CSMD1: variants seen among roughly 807,000 people sequenced by gnomAD.
The protein encoded by CSMD1 is CUB and sushi domain-containing protein 1.
A neutral mutation model predicts 417.5 loss-of-function variants in CSMD1; 213 were observed. That is an observed-to-expected ratio of 0.51 (90% CI 0.46 to 0.57). CSMD1 has a LOEUF of 0.57. Ranked by LOEUF, CSMD1 falls within the 20% of genes least tolerant of loss-of-function variation. The probability of loss-of-function intolerance (pLI) is 0.00; values close to 1 mark genes in which losing one functional copy is unlikely to be tolerated. For missense variants in CSMD1, 6,923 were observed against 4,529.7 expected (o/e 1.53, Z -15.17); for synonymous variants, 2,862 against 1,736.8 (o/e 1.65, Z -16.11).
At chr8:3,474,596 C>T (rs1017473120) in intron 11 of CSMD1, among the ~76,000 whole-genome samples, 2 of 152,072 alleles carry the variant, frequency 1.3e-5, no homozygotes, top group Non-Finnish European at 2.9e-5. Flanking sequence ...GAAGTTTGGT[C>T]TTGCTTTTTG....
At chr8:4,416,894 C>G in intron 3 of CSMD1, among the ~76,000 whole-genome samples, 1 of 152,108 alleles carries the variant, frequency 6.6e-6, no homozygotes, top group Middle Eastern at 3.4e-3. Flanking sequence ...TACTTCAAAA[C>G]TGGGCATATC....
At chr8:3,220,341 A>G (rs542759263) in intron 28 of CSMD1, among the ~76,000 whole-genome samples, 18 of 152,012 alleles carry the variant, frequency 1.2e-4, no homozygotes, top group Non-Finnish European at 2.4e-4. Flanking sequence ...ATATTAACAT[A>G]CAGTCAGTCC....
At chr8:4,571,727 T>C (rs1418851266) in intron 2 of CSMD1, among the ~76,000 whole-genome samples, 1 of 152,186 alleles carries the variant, frequency 6.6e-6, no homozygotes, top group Non-Finnish European at 1.5e-5. Flanking sequence ...TGACAGTGGG[T>C]GTTAAACTCT....
At chr8:4,354,758 T>G (rs113398503) in intron 3 of CSMD1, among the ~76,000 whole-genome samples, 3 of 152,250 alleles carry the variant, frequency 2.0e-5, no homozygotes, top group Non-Finnish European at 4.4e-5. Flanking sequence ...GAATTCCTTT[T>G]ATAGATTTCC....
intron 3 of CSMD1, among the ~76,000 whole-genome samples, chr8:4,170,441 C>G (rs1271950592): frequency 6.6e-6 from 1 of 151,896 alleles, no homozygotes; most frequent in African/African-American, 2.4e-5. Flanking sequence ...TGTTCAAATA[C>G]TTCCCCTTTT....
chr8:2,963,208 G>T lies in CSMD1; in HGVS notation c.9454+14C>A. The T allele has an allele frequency of 6.2e-7, 1 of 1,613,356 alleles. No individual in the cohort carries two copies. Among genetic ancestry groups the T allele is most frequent in the Non-Finnish European group, 8.5e-7 (1 of 1,179,462 alleles). The stretch of plus-strand genomic sequence containing the variant: ...ACCTGCAGTGGGCGGAACAAATTCT[G>T]CTGTAGAACTTACGGAGACACTGGG... On this transcript the variant is annotated intron_variant, in intron 60 of 69. Coordinates refer to ENST00000635120, the MANE Select transcript of CSMD1 (RefSeq NM_033225.6).
intron 10 of CSMD1, among the ~76,000 whole-genome samples, chr8:3,542,825 T>C (rs1798496699): frequency 6.6e-6 from 1 of 152,200 alleles, no homozygotes; most frequent in Non-Finnish European, 1.5e-5. Context: ...GCAAGATCCA[T>C]AACCCTGGGG....
chr8:3,349,207 A>C (rs1468839718), intron 21 of CSMD1, among the ~76,000 whole-genome samples: 1 of 152,154 alleles, frequency 6.6e-6, no homozygotes, highest in Non-Finnish European at 1.5e-5. Flanking sequence ...TTCCTTTTCC[A>C]CTGGGTTGCT....
intron 3 of CSMD1, among the ~76,000 whole-genome samples, chr8:4,178,891 A>G (rs1469995020): frequency 1.3e-5 from 2 of 152,198 alleles, no homozygotes; most frequent in Admixed American, 6.5e-5. Flanking sequence ...GACCTCTTCA[A>G]GGAGAACTAC....
chr8:3,305,184 CTATT>C (rs1420286317), intron 25 of CSMD1, among the ~76,000 whole-genome samples: 1 of 152,038 alleles, frequency 6.6e-6, no homozygotes, highest in Non-Finnish European at 1.5e-5. Context: ...TATGCCTGGC[CTATT>C]TATTTCCATA....
In CSMD1 at chr8:3,207,589, C is replaced by G. The variant is rs1219133157; in HGVS notation, c.4868-1969G>C. Among the ~76,000 whole-genome samples, 8 of 152,092 alleles carry G rather than the reference C, an allele frequency of 5.3e-5. No homozygotes were observed. In the East Asian group the frequency reaches 1.3e-3, roughly 26 times the overall value. On this transcript the variant is annotated intron_variant, in intron 30 of 69. Coordinates refer to ENST00000635120, the MANE Select transcript of CSMD1 (RefSeq NM_033225.6). Reference sequence around the variant, plus strand: ...TTAAGCTCCTTAGAATATGGTAATGCTAAGGATAAGGCAACTTGTTAATGA... The same window carrying G: ...TTAAGCTCCTTAGAATATGGTAATGGTAAGGATAAGGCAACTTGTTAATGA...
intron 12 of CSMD1, among the ~76,000 whole-genome samples, chr8:3,461,954 G>A (rs374705462): frequency 1.1e-4 from 17 of 152,162 alleles, no homozygotes; most frequent in African/African-American, 2.2e-4. Context: ...CACATGGGCC[G>A]GACAGGAGGG....
In CSMD1 at chr8:4,042,815, T is replaced by A. The variant is rs899925633; in HGVS notation, c.416-10716A>T. On this transcript the variant is annotated intron_variant, in intron 3 of 69. Transcript: ENST00000635120. ...CAATAGGTGAAGTGGTACAACATATTAAAAAAAAAAAAAAAAAAAAAAAAA... is the reference window on the plus strand; with the variant it reads ...CAATAGGTGAAGTGGTACAACATATAAAAAAAAAAAAAAAAAAAAAAAAAA... Among the ~76,000 whole-genome samples the A allele has an allele frequency of 2.6e-3, 107 of 41,256 alleles. 2 individuals carry two copies. Among genetic ancestry groups the A allele is most frequent in the African/African-American group, 7.5e-3 (78 of 10,336 alleles). 27.1% of individuals were successfully genotyped at this position (41,256 alleles called of 152,430 possible). A position where few individuals can be genotyped will look rare whatever the true frequency, so the allele number is the denominator to read the frequency against.
chr8:4,397,785 G>A (rs2128927258), intron 3 of CSMD1, among the ~76,000 whole-genome samples: 1 of 152,112 alleles, frequency 6.6e-6, no homozygotes, highest in East Asian at 1.9e-4. Context: ...ATACTGACAT[G>A]TATCTCAATA....
At position 4,503,095 on chromosome 8, in the gene CSMD1, G is replaced by A. The variant is rs1201827705; in HGVS notation, c.303-83030C>T. Among the ~76,000 whole-genome samples the A allele has an allele frequency of 2.6e-5, 4 of 152,270 alleles. No individual in the cohort carries two copies. In the East Asian group the frequency reaches 7.7e-4, roughly 29 times the overall value. On this transcript the variant is annotated intron_variant, in intron 2 of 69. Coordinates refer to ENST00000635120, the MANE Select transcript of CSMD1 (RefSeq NM_033225.6). The stretch of plus-strand genomic sequence containing the variant: ...AAAGGTGCATAAATGAACAAGAACT[G>A]TGAATTTGAATCTTAGAGAACTATG...
intron 17 of CSMD1, 107 bp from the exon 18 acceptor site, chr8:3,387,789 G>A (rs1811103509): frequency 1.1e-6 from 1 of 890,692 alleles, no homozygotes; most frequent in Non-Finnish European, 1.7e-6. Context: ...AATAAGACCT[G>A]AAACATTATG....
intron 7 of CSMD1, among the ~76,000 whole-genome samples, chr8:3,635,193 T>G (rs1584995317): frequency 6.6e-6 from 1 of 152,180 alleles, no homozygotes; most frequent in African/African-American, 2.4e-5. Context: ...AGAAACACTG[T>G]AGCCAGGTGC....
chr8:4,699,712 T>C (rs924157052), intron 1 of CSMD1, among the ~76,000 whole-genome samples: 2 of 152,138 alleles, frequency 1.3e-5, no homozygotes, highest in African/African-American at 2.4e-5. Context: ...TCCCAGACAA[T>C]TTATGAGGTG....
intron 3 of CSMD1, among the ~76,000 whole-genome samples, chr8:4,046,286 G>T (rs1366543889): frequency 6.6e-6 from 1 of 152,022 alleles, no homozygotes; most frequent in African/African-American, 2.4e-5. Context: ...CTGTTTCTCA[G>T]TCTAACTTCA....
Sources: allele counts gnomAD v4.1 joint callset (sites outside exome capture counted in the v4.1 genomes callset), GRCh38; gene constraint gnomAD v4.1.1; transcripts MANE v1.5; gene names NCBI Gene and HGNC (gene_info 2026-07-23, HGNC 2026-07-21).